The following GPR142 variants were observed in gnomAD, a reference collection of about 807,000 sequenced individuals.
GPR142 encodes the protein G-protein coupled receptor 142 long form.
In GPR142, 9 loss-of-function variants were observed where a neutral mutation model predicts 10.6. The observed-to-expected ratio is 0.85, with a 90% CI of 0.51 to 1.48. GPR142 has a LOEUF of 1.48. Ranked by LOEUF, GPR142 falls within the 40% of genes most tolerant of loss-of-function variation. GPR142 has a pLI of 0.00. For synonymous variants in GPR142, 202 were observed against 221.2 expected, an observed-to-expected ratio of 0.91 and a Z score of 0.77; for missense variants, 482 against 506.0, an observed-to-expected ratio of 0.95 and a Z score of 0.45.
At position 74,370,699 on chromosome 17, in the gene GPR142, C is replaced by G. The variant is rs777146496; in HGVS notation, c.253+20C>G. 6 of 1,601,374 alleles carry G rather than the reference C, an allele frequency of 3.7e-6. No individual in the cohort carries two copies. The South Asian group carries it at 5.6e-5, about 15-fold the overall frequency. On this transcript the variant is annotated intron_variant, in intron 3 of 3. Coordinates refer to ENST00000582579, the MANE Select transcript of GPR142 (RefSeq NM_001331076.1). ...TGCCTGGTGAGTGGGGAGCTGGGGT[C>G]TGGGGACTTGGGCTTGGCCAGAAAT...
rs1353904754 is a variant in GPR142, at chr17:74,372,321, G to C, written c.846G>C (p.Trp282Cys). The change falls in exon 4 of 4, where the codon TGG (tryptophan) becomes TGC (cysteine). Residue 282 changes from tryptophan (W) to cysteine (C), a missense_variant. Physicochemically the swap from Trp to Cys is radical, Grantham distance 215. Coordinates refer to ENST00000582579, the MANE Select transcript of GPR142 (RefSeq NM_001331076.1). ...LGITTLFTLLWAPRVFVMLYH... is the reference protein window; with the variant it reads ...LGITTLFTLLCAPRVFVMLYH... Reference sequence around the variant, plus strand: ...TCACCACACTGTTCACCCTCCTGTGGGCGCCCCGGGTCTTCGTCATGCTCT... The same window carrying C: ...TCACCACACTGTTCACCCTCCTGTGCGCGCCCCGGGTCTTCGTCATGCTCT... 1.9e-6 allele frequency: 3 copies of C among 1,613,794 alleles called. No individual in the cohort carries two copies. Among genetic ancestry groups the C allele is most frequent in the Non-Finnish European group, 1.7e-6 (2 of 1,179,814 alleles).
chr17:74,372,367 G>A lies in GPR142; in HGVS notation c.892G>A (p.Val298Ile). 6.2e-7 allele frequency: 1 copy of A among 1,614,174 alleles called. No homozygotes were observed. Among genetic ancestry groups the A allele is most frequent in the Non-Finnish European group, 8.5e-7 (1 of 1,180,002 alleles). Residue 298 changes from valine (V) to isoleucine (I), a missense_variant, in exon 4 of 4, where the codon GTC (valine) becomes ATC (isoleucine). By Grantham distance (29) the Val-to-Ile change is conservative. Transcript: ENST00000582579. ...VMLYHMYVAP[V>I]HRDWRVHLAL... Reference sequence around the variant, plus strand: ...GCTCTACCACATGTACGTGGCCCCTGTCCACCGGGACTGGAGGGTCCACCT... The same window carrying A: ...GCTCTACCACATGTACGTGGCCCCTATCCACCGGGACTGGAGGGTCCACCT...
chr17:74,367,784 G>T lies in GPR142; in HGVS notation c.-84G>T, dbSNP rs772515014. On this transcript the variant is annotated 5_prime_UTR_variant, in exon 1 of 4. An upstream start codon of the reference 5' UTR is lost. Coordinates refer to ENST00000582579, the MANE Select transcript of GPR142 (RefSeq NM_001331076.1). The stretch of plus-strand genomic sequence containing the variant: ...CTGCCTCCCAGAACAGGCCTTCTAT[G>T]GGGTGGGATGGTAAGTTGCTGGAAG... 6.2e-7 allele frequency: 1 copy of T among 1,601,684 alleles called. No individual in the cohort carries two copies. The highest frequency in any genetic ancestry group is 8.5e-7 in the Non-Finnish European group (1 of 1,172,824).
rs1399158410 is a variant in GPR142 at position 74,367,573 on chromosome 17, C to G, written c.-295C>G. On this transcript the variant is annotated 5_prime_UTR_variant, in exon 1 of 4. Coordinates refer to ENST00000582579, the MANE Select transcript of GPR142 (RefSeq NM_001331076.1). ...GTCCCCACTTCCCTGCAGGACATCA[C>G]TGCTGTCCTGGGTACAGAAGCATAT... is the stretch of plus-strand genomic sequence containing the variant. 15 of 1,612,900 alleles carry G rather than the reference C, an allele frequency of 9.3e-6. No homozygotes were observed. The highest frequency in any genetic ancestry group is 1.3e-5 in the African/African-American group (1 of 74,908).
At position 74,371,730 on chromosome 17, in the gene GPR142, C is replaced by T; in HGVS notation, c.255C>T (p.Val85=). ...YSVLLGLGLP[V]SLLTAVALAR... ...CTCCCTCACCTCGGCTGCCCTCAGT[C>T]AGCCTCCTGACCGCAGTGGCCCTGG... The change falls in exon 4 of 4, where the codon GTC becomes GTT. Residue 85 remains valine, a splice_region_variant and synonymous_variant. Coordinates refer to ENST00000582579, the MANE Select transcript of GPR142 (RefSeq NM_001331076.1). 1 of 1,593,646 alleles carries T rather than the reference C, an allele frequency of 6.3e-7. No individual in the cohort carries two copies. The highest frequency in any genetic ancestry group is 8.6e-7 in the Non-Finnish European group (1 of 1,169,302).
chr17:74,369,557 G>T lies in GPR142; in HGVS notation c.17G>T (p.Cys6Phe). The T allele has an allele frequency of 1.3e-6, 2 of 1,554,016 alleles. No homozygotes were observed. Among genetic ancestry groups the T allele is most frequent in the Non-Finnish European group, 1.7e-6 (2 of 1,148,206 alleles). ...CAGCTGGCGATGCTGACAGGGAGCT[G>T]CGGGGACCCTCAGAAAAAGCCACAG... MLTGS[C>F]GDPQKKPQVT... The change falls in exon 2 of 4, where the codon TGC (cysteine) becomes TTC (phenylalanine). Residue 6 changes from cysteine (C) to phenylalanine (F), a missense_variant. By Grantham distance (205) the Cys-to-Phe change is radical. Coordinates refer to ENST00000582579, the MANE Select transcript of GPR142 (RefSeq NM_001331076.1).
chr17:74,369,330 G>A, intron 1 of GPR142, 138 bp from the exon 2 acceptor site: 1 of 721,646 alleles, frequency 1.4e-6, no homozygotes, highest in Non-Finnish European at 2.3e-6. Context: ...CCCCTGCCCA[G>A]CCCGACCCCT....
At chr17:74,370,408 G>T in intron 2 of GPR142, 113 bp from the exon 3 acceptor site, 2 of 1,105,958 alleles carry the variant, frequency 1.8e-6, no homozygotes, top group Admixed American at 2.8e-5. Context: ...GGTCTGACTA[G>T]AGGGTCTGCA....
In GPR142 at chr17:74,372,549, G is replaced by A. The variant is rs781363976; in HGVS notation, c.1074G>A (p.Ala358=). The change falls in exon 4 of 4, where the codon GCG becomes GCA. Residue 358 remains alanine (A), a synonymous_variant. Transcript: ENST00000582579. ...CTLASQPEGM[A]AKPVMEPPGL... ...TGGCATCACAGCCAGAGGGCATGGC[G>A]GCGAAGCCTGTGATGGAGCCTCCGG... 75 of 1,611,272 alleles carry A rather than the reference G, an allele frequency of 4.7e-5. 1 individual carries two copies. In the South Asian group the frequency reaches 5.9e-4, roughly 13 times the overall value.
At position 74,372,007 on chromosome 17, in the gene GPR142, C is replaced by A. The variant is rs754159963; in HGVS notation, c.532C>A (p.His178Asn). 1 of 1,613,334 alleles carries A rather than the reference C, an allele frequency of 6.2e-7. No homozygotes were observed. Among genetic ancestry groups the A allele is most frequent in the South Asian group, 1.1e-5 (1 of 91,062 alleles). Residue 178 changes from histidine to asparagine, a missense_variant, in exon 4 of 4, where the codon CAT becomes AAT. Physicochemically the swap from His to Asn is moderately conservative, Grantham distance 68. Coordinates refer to ENST00000582579, the MANE Select transcript of GPR142 (RefSeq NM_001331076.1). ...CACTGCCCTGTGCCACCCCCTGCAC[C>A]ATCGGGCCGCCTCGTCCCCAGGCCG... ...RYTALCHPLHHRAASSPGRTR... is the reference protein window; with the variant it reads ...RYTALCHPLHNRAASSPGRTR...
Position 74,369,619 on chromosome 17 carries a change from G to T in GPR142, c.79G>T (p.Glu27Ter). The change falls in exon 2 of 4, where the codon GAG (glutamate) becomes TAG (stop). Residue 27 changes from glutamate to a stop codon, truncating the protein, a stop_gained. Coordinates refer to ENST00000582579, the MANE Select transcript of GPR142 (RefSeq NM_001331076.1). LOFTEE classifies it high-confidence loss of function. ...QDSGPQSMGL[E>*]GRETAGQPRV... ...CTCAGGGCCCCAGAGCATGGGGCTT[G>T]AGGGACGAGAGACAGGTAAGGCATC... 1 of 1,548,148 alleles carries T rather than the reference G, an allele frequency of 6.5e-7. No homozygotes were observed. The highest frequency in any genetic ancestry group is 8.7e-7 in the Non-Finnish European group (1 of 1,146,014).
At position 74,372,364 on chromosome 17, in the gene GPR142, C is replaced by T. The variant is rs751377665; in HGVS notation, c.889C>T (p.Pro297Ser). The change falls in exon 4 of 4, where the codon CCT (proline) becomes TCT (serine). Residue 297 changes from proline to serine, a missense_variant. By Grantham distance (74) the Pro-to-Ser change is moderately conservative. Transcript: ENST00000582579. ...FVMLYHMYVA[P>S]VHRDWRVHLA... The stretch of plus-strand genomic sequence containing the variant: ...CATGCTCTACCACATGTACGTGGCC[C>T]CTGTCCACCGGGACTGGAGGGTCCA... 2.5e-6 allele frequency: 4 copies of T among 1,614,140 alleles called. No homozygotes were observed. In the South Asian group the frequency reaches 3.3e-5, roughly 13 times the overall value.
In GPR142 at chr17:74,372,249, TGGGCTGCAGCCCCGGGTGGGCA is replaced by T. The variant is rs2055034905; in HGVS notation, c.775_796del (p.Gly259ArgfsTer97). ...ACCGGCTACGGAGGAGGGGCCGGAG[TGGGCTGCAGCCCCGGGTGGGCA>T]AGAGCACAGCCATCCTCCTGGGCAT... On this transcript the variant is annotated frameshift_variant, in exon 4 of 4. Transcript: ENST00000582579. LOFTEE classifies it low-confidence loss of function (END_TRUNC). The T allele has an allele frequency of 6.2e-7, 1 of 1,613,344 alleles. No individual in the cohort carries two copies.
intron 2 of GPR142, among the ~76,000 whole-genome samples, chr17:74,369,950 T>C (rs2055010425): frequency 1.3e-5 from 2 of 152,004 alleles, no homozygotes; most frequent in African/African-American, 4.8e-5. Flanking sequence ...TTGAAGAGGG[T>C]ATCTTTAGTT....
intron 3 of GPR142, 76 bp downstream of exon 3, chr17:74,370,755 CTG>C (rs1360013419): frequency 7.1e-7 from 1 of 1,409,414 alleles, no homozygotes; most frequent in African/African-American, 1.4e-5. Context: ...TGCCAGTCCT[CTG>C]TGTTTGACCC....
Position 74,371,716 on chromosome 17 carries a change from C to T in GPR142, c.254-13C>T, listed in dbSNP as rs780306822. On this transcript the variant is annotated splice_polypyrimidine_tract_variant and intron_variant, in intron 3 of 3. Transcript: ENST00000582579. ...CTGATGCCTCTCCCCTCCCTCACCT[C>T]GGCTGCCCTCAGTCAGCCTCCTGAC... is the stretch of plus-strand genomic sequence containing the variant. The T allele has an allele frequency of 1.1e-5, 18 of 1,585,442 alleles. No individual in the cohort carries two copies. Among genetic ancestry groups the T allele is most frequent in the Admixed American group, 3.4e-5 (2 of 59,536 alleles).
rs1288325376 is a variant in GPR142, at chr17:74,369,611, T to G, written c.71T>G (p.Met24Arg). 1 of 1,549,822 alleles carries G rather than the reference T, an allele frequency of 6.5e-7. No homozygotes were observed. The highest frequency in any genetic ancestry group is 2.0e-5 in the Admixed American group (1 of 50,570). Residue 24 changes from methionine to arginine, a missense_variant, in exon 2 of 4, where the codon ATG becomes AGG. Physicochemically the swap from Met to Arg is moderately conservative, Grantham distance 91. Transcript: ENST00000582579. Reference protein sequence around the residue: ...QVTQDSGPQSMGLEGRETAGQ... With the variant: ...QVTQDSGPQSRGLEGRETAGQ... Reference sequence around the variant, plus strand: ...ACCCAGGACTCAGGGCCCCAGAGCATGGGGCTTGAGGGACGAGAGACAGGT... The same window carrying G: ...ACCCAGGACTCAGGGCCCCAGAGCAGGGGGCTTGAGGGACGAGAGACAGGT...
chr17:74,369,390 A>G (rs1321793333), intron 1 of GPR142, 78 bp from the exon 2 acceptor site: 6 of 1,408,660 alleles, frequency 4.3e-6, no homozygotes, highest in Non-Finnish European at 5.8e-6. Flanking sequence ...ACCAGCATCT[A>G]CTCTAGCTCT....
intron 1 of GPR142, 52 bp from the exon 2 acceptor site, chr17:74,369,416 G>T: frequency 6.6e-7 from 1 of 1,525,676 alleles, no homozygotes. Flanking sequence ...CGGTGCCTCC[G>T]CCCACCAGTT....
Sources: gnomAD v4.1 joint callset for allele counts (sites outside exome capture counted in the v4.1 genomes callset) on GRCh38, gnomAD v4.1.1 for gene constraint, MANE v1.5 for transcripts, NCBI Gene and HGNC (gene_info 2026-07-23, HGNC 2026-07-21) for gene names.